PRKN: variants seen among roughly 807,000 people sequenced by gnomAD.
PRKN encodes the protein E3 ubiquitin-protein ligase parkin.
PRKN carries 56 observed loss-of-function variants against 59.5 expected under a neutral mutation model. That is an observed-to-expected ratio of 0.94 (90% CI 0.76 to 1.18). The LOEUF is 1.18. Ranked by LOEUF, PRKN falls within the 50% of genes most tolerant of loss-of-function variation. The pLI, the probability that PRKN is intolerant of heterozygous loss-of-function variation, is 0.00. For synonymous variants in PRKN, 250 were observed against 222.1 expected, an observed-to-expected ratio of 1.13 and a Z score of -1.12; for missense variants, 657 against 596.4, an observed-to-expected ratio of 1.10 and a Z score of -1.06.
At chr6:161,902,901 G>A (rs1284620353) in intron 6 of PRKN, among the ~76,000 whole-genome samples, 5 of 152,124 alleles carry the variant, frequency 3.3e-5, no homozygotes, top group East Asian at 3.9e-4. Context: ...AAGGCACAGC[G>A]TTAGGGAAAC....
intron 4 of PRKN, among the ~76,000 whole-genome samples, chr6:162,167,659 C>T (rs1158376380): frequency 2.7e-5 from 4 of 148,700 alleles, no homozygotes; most frequent in African/African-American, 7.5e-5. Flanking sequence ...AATAAGATGA[C>T]GTACTTCACA....
chr6:161,926,865 G>A (rs910188329), intron 6 of PRKN, among the ~76,000 whole-genome samples: 3 of 152,182 alleles, frequency 2.0e-5, no homozygotes, highest in African/African-American at 7.2e-5. Flanking sequence ...AGGGCAAGTA[G>A]TGGCAAACCC....
At chr6:162,717,907 A>G (rs553533599) in intron 1 of PRKN, among the ~76,000 whole-genome samples, 1 of 152,352 alleles carries the variant, frequency 6.6e-6, no homozygotes, top group East Asian at 1.9e-4. Context: ...GATTGTGTTT[A>G]TAACACATTG....
At chr6:162,607,100 CGGGTG>C (rs1781951526) in intron 1 of PRKN, among the ~76,000 whole-genome samples, 1 of 152,066 alleles carries the variant, frequency 6.6e-6, no homozygotes, top group African/African-American at 2.4e-5. Flanking sequence ...TAATTTTACA[CGGGTG>C]GGGTTTGAGG....
intron 2 of PRKN, among the ~76,000 whole-genome samples, chr6:162,321,026 A>C (rs1471082624): frequency 6.6e-6 from 1 of 151,896 alleles, no homozygotes. Flanking sequence ...AATAACGATC[A>C]AGGTGAAAAA....
chr6:161,972,888 C>T (rs1225497102), intron 6 of PRKN, among the ~76,000 whole-genome samples: 1 of 152,128 alleles, frequency 6.6e-6, no homozygotes, highest in Non-Finnish European at 1.5e-5. Context: ...AAAAAATTAG[C>T]TGGGTGTGGT....
intron 5 of PRKN, among the ~76,000 whole-genome samples, chr6:161,987,037 A>G (rs966136285): frequency 2.5e-4 from 38 of 152,208 alleles, no homozygotes; most frequent in African/African-American, 9.2e-4. Flanking sequence ...AGTAGAATTT[A>G]AAGCTTCTTT....
intron 7 of PRKN, among the ~76,000 whole-genome samples, chr6:161,612,718 CAAAAAA>C (rs57084261): frequency 5.0e-5 from 3 of 59,630 alleles, no homozygotes; most frequent in East Asian, 5.9e-4. Flanking sequence ...GACTCCATCT[CAAAAAA>C]AAAAAAAAAA....
At chr6:162,628,293 A>G (rs1782977147) in intron 1 of PRKN, among the ~76,000 whole-genome samples, 1 of 152,168 alleles carries the variant, frequency 6.6e-6, no homozygotes, top group South Asian at 2.1e-4. Flanking sequence ...CTAAAGATGG[A>G]TCCAGTTAAG....
At chr6:161,962,355 C>T (rs779081357) in intron 6 of PRKN, among the ~76,000 whole-genome samples, 1 of 151,852 alleles carries the variant, frequency 6.6e-6, no homozygotes, top group Non-Finnish European at 1.5e-5. Flanking sequence ...TAGCAAATTG[C>T]TAATTATAAG....
intron 1 of PRKN, among the ~76,000 whole-genome samples, chr6:162,637,532 C>A (rs1214806521): frequency 6.6e-6 from 1 of 152,114 alleles, no homozygotes; most frequent in Non-Finnish European, 1.5e-5. Flanking sequence ...GGAAGCAGGG[C>A]TCGACTTTGA....
chr6:161,926,896 C>T (rs1359887821), intron 6 of PRKN, among the ~76,000 whole-genome samples: 1 of 152,126 alleles, frequency 6.6e-6, no homozygotes, highest in Non-Finnish European at 1.5e-5. Flanking sequence ...CTAGCAGAGG[C>T]AAATAAATTC....
At chr6:161,531,102 C>T (rs1430773583) in intron 9 of PRKN, among the ~76,000 whole-genome samples, 1 of 152,116 alleles carries the variant, frequency 6.6e-6, no homozygotes, top group Non-Finnish European at 1.5e-5. Flanking sequence ...TTGTGCAAGG[C>T]CGGGCGCGGT....
intron 6 of PRKN, among the ~76,000 whole-genome samples, chr6:161,853,330 G>C (rs1398382825): frequency 6.6e-6 from 1 of 152,174 alleles, no homozygotes; most frequent in Non-Finnish European, 1.5e-5. Context: ...TCAAATGACT[G>C]CTTACGGATA....
intron 7 of PRKN, among the ~76,000 whole-genome samples, chr6:161,651,487 A>G (rs775238008): frequency 6.6e-6 from 1 of 152,192 alleles, no homozygotes. Context: ...CTTGAGAAAT[A>G]CTATTCTTTA....
intron 2 of PRKN, among the ~76,000 whole-genome samples, chr6:162,306,588 TC>T (rs1782238780): frequency 6.6e-6 from 1 of 152,216 alleles, no homozygotes; most frequent in African/African-American, 2.4e-5. Context: ...TTCCCCTGGC[TC>T]TTTGAGAAGC....
At position 161,680,750 on chromosome 6, in the gene PRKN, TATATATATATATATA is replaced by T. The variant is rs1785299330; in HGVS notation, c.871+105007_871+105021del. Among the ~76,000 whole-genome samples, 9 of 19,980 alleles carry T rather than the reference TATATATATATATATA, an allele frequency of 4.5e-4. 1 individual carries two copies. Among genetic ancestry groups the T allele is most frequent in the East Asian group, 2.5e-3 (1 of 396 alleles). The allele number at this position is 19,980 out of a possible 152,430, so 13.1% of individuals were successfully genotyped here. ...ACATATATATATATATATATATATATATATATATATATATATATATATATATTTTTTTTTTTTTTT... is the reference window on the plus strand; with the variant it reads ...ACATATATATATATATATATATATATTATATATATATTTTTTTTTTTTTTT... On this transcript the variant is annotated intron_variant, in intron 7 of 11. Coordinates refer to ENST00000366898, the MANE Select transcript of PRKN (RefSeq NM_004562.3).
intron 3 of PRKN, among the ~76,000 whole-genome samples, chr6:162,219,386 G>A (rs1331441687): frequency 3.3e-5 from 5 of 151,998 alleles, no homozygotes; most frequent in African/African-American, 7.3e-5. Context: ...TAGCTCTTCC[G>A]CTTCCTCTAC....
At chr6:162,005,057 T>A (rs944057310) in intron 5 of PRKN, among the ~76,000 whole-genome samples, 2 of 152,154 alleles carry the variant, frequency 1.3e-5, no homozygotes, top group Non-Finnish European at 2.9e-5. Context: ...GAAATGAATC[T>A]CAGAGTAATA....
Sources: gnomAD v4.1 joint callset for allele counts (sites outside exome capture counted in the v4.1 genomes callset) on GRCh38, gnomAD v4.1.1 for gene constraint, MANE v1.5 for transcripts, NCBI Gene and HGNC (gene_info 2026-07-23, HGNC 2026-07-21) for gene names.